The following LMO4 variants were observed in gnomAD, a reference collection of about 807,000 sequenced individuals.
LMO4 encodes the protein LIM domain transcription factor LMO4.
A neutral mutation model predicts 18.5 loss-of-function variants in LMO4; 3 were observed. The observed-to-expected ratio is 0.16, with a 90% CI of 0.07 to 0.42. The LOEUF is 0.42. Ranked by LOEUF, LMO4 falls within the 10% of genes least tolerant of loss-of-function variation. The probability of loss-of-function intolerance (pLI) is 0.99; values close to 1 mark genes in which losing one functional copy is unlikely to be tolerated. For missense variants in LMO4, 121 were observed against 219.9 expected (o/e 0.55, Z 2.84); for synonymous variants, 100 against 88.1 (o/e 1.14, Z -0.76).
At position 87,347,825 on chromosome 1, in the gene LMO4, G is replaced by A. The variant is rs1161629417; in HGVS notation, c.*3029G>A. On this transcript the variant is annotated 3_prime_UTR_variant, in exon 5 of 5. Coordinates refer to ENST00000370544, the MANE Select transcript of LMO4 (RefSeq NM_006769.4). ...CACATCCCGCAAGGCAGGGGAGCCT[G>A]AAGCTTTTCCAAACCAAATCGTTTG... 5 of 152,298 alleles carry A rather than the reference G, an allele frequency of 3.3e-5. No individual in the cohort carries two copies. The highest frequency in any genetic ancestry group is 3.4e-3 in the Middle Eastern group (1 of 294). 9.4% of individuals were successfully genotyped at this position (152,298 alleles called of 1,614,324 possible).
intron 2 of LMO4, among the ~76,000 whole-genome samples, chr1:87,336,631 A>C (rs1031185888): frequency 6.6e-6 from 1 of 152,186 alleles, no homozygotes; most frequent in African/African-American, 2.4e-5. Flanking sequence ...ATTTCTTCCC[A>C]TCTTTTCCGT....
intron 1 of LMO4, among the ~76,000 whole-genome samples, chr1:87,330,268 CCTCA>C (rs1166882647): frequency 2.0e-5 from 3 of 152,004 alleles, no homozygotes; most frequent in African/African-American, 4.8e-5. Flanking sequence ...GAATCTCCTC[CCTCA>C]CTCTCCTTTT....
chr1:87,331,059 GCCCGCCCCCCCCC>G (rs1650126912), intron 1 of LMO4, among the ~76,000 whole-genome samples: 1 of 1,724 alleles, frequency 5.8e-4, no homozygotes, highest in Non-Finnish European at 2.1e-3. Context: ...CTGTAACGCC[GCCCGCCCCCCCCC>G]CCCCCCCGCC....
rs1570273115 is a variant in LMO4 at position 87,348,813 on chromosome 1, T to G, written c.*4017T>G. On this transcript the variant is annotated 3_prime_UTR_variant, in exon 5 of 5. Coordinates refer to ENST00000370544, the MANE Select transcript of LMO4 (RefSeq NM_006769.4). ...GATTCTGCTGAGAATGGACGGCAAC[T>G]CGGAGGCCTCAAGCCAATAATGTAC... is the stretch of plus-strand genomic sequence containing the variant. The G allele has an allele frequency of 2.0e-6, 1 of 491,298 alleles. No individual in the cohort carries two copies. Among genetic ancestry groups the G allele is most frequent in the African/African-American group, 1.9e-5 (1 of 51,588 alleles). 30.4% of individuals were successfully genotyped at this position (491,298 alleles called of 1,614,324 possible). A position where few individuals can be genotyped will look rare whatever the true frequency, so the allele number is the denominator to read the frequency against.
chr1:87,331,956 CTT>C, intron 1 of LMO4, 55 bp from the exon 2 acceptor site: 1 of 1,405,576 alleles, frequency 7.1e-7, no homozygotes, highest in Non-Finnish European at 9.9e-7. Context: ...CGATTACTAA[CTT>C]TTGCATCGCC....
chr1:87,337,832 A>G (rs557774275), intron 2 of LMO4, among the ~76,000 whole-genome samples: 1 of 152,304 alleles, frequency 6.6e-6, no homozygotes, highest in Non-Finnish European at 1.5e-5. Flanking sequence ...TGAAGTGTCC[A>G]GCATTAGGAG....
Position 87,332,005 on chromosome 1 carries a change from C to A in LMO4, c.-3-8C>A. On this transcript the variant is annotated splice_polypyrimidine_tract_variant and splice_region_variant and intron_variant, in intron 1 of 4. Coordinates refer to ENST00000370544, the MANE Select transcript of LMO4 (RefSeq NM_006769.4). ...TTTCTCTCCCTGTCCCCTTCCCGCC[C>A]TCTGCAGACCATGGTGAATCCGGGC... 1 of 1,608,486 alleles carries A rather than the reference C, an allele frequency of 6.2e-7. No homozygotes were observed. The highest frequency in any genetic ancestry group is 8.5e-7 in the Non-Finnish European group (1 of 1,177,466).
At chr1:87,332,343 C>A in intron 2 of LMO4, 92 bp downstream of exon 2, 1 of 938,534 alleles carries the variant, frequency 1.1e-6, no homozygotes, top group South Asian at 1.6e-5. Context: ...TAGGCGTCTA[C>A]GGGGAGTATG....
In LMO4 at chr1:87,345,497, A is replaced by G. The variant is rs1423069383; in HGVS notation, c.*701A>G. 1 of 152,198 alleles carries G rather than the reference A, an allele frequency of 6.6e-6. No homozygotes were observed. The highest frequency in any genetic ancestry group is 6.5e-5 in the Admixed American group (1 of 15,276). The allele number at this position is 152,198 out of a possible 1,614,324, so 9.4% of individuals were successfully genotyped here. ...TTCTAATTTGCTGAATGAAGAAAAA[A>G]AAAAATCTTTTATTTGTGATATTTT... On this transcript the variant is annotated 3_prime_UTR_variant, in exon 5 of 5. Transcript: ENST00000370544.
Position 87,332,265 on chromosome 1 carries a change from G to C in LMO4, c.236+14G>C, listed in dbSNP as rs764018746. 2 of 1,595,024 alleles carry C rather than the reference G, an allele frequency of 1.3e-6. No individual in the cohort carries two copies. The highest frequency in any genetic ancestry group is 1.7e-6 in the Non-Finnish European group (2 of 1,163,372). ...TGACTACATTAGGTAAGACTTTGCT[G>C]TCTTTCCTGGAGATGGGGGGAAGAG... On this transcript the variant is annotated intron_variant, in intron 2 of 4. Transcript: ENST00000370544.
At chr1:87,329,305 T>A (rs1650060214) in intron 1 of LMO4, 61 bp downstream of exon 1, 1 of 152,382 alleles carries the variant, frequency 6.6e-6, no homozygotes, top group East Asian at 1.9e-4. Flanking sequence ...GGGGGTCGAT[T>A]CGGGCCAGGG....
chr1:87,339,299 G>GT (rs1386453752), intron 2 of LMO4, among the ~76,000 whole-genome samples: 2 of 151,828 alleles, frequency 1.3e-5, no homozygotes, highest in African/African-American at 2.4e-5. Flanking sequence ...TGCTAGAGGT[G>GT]TAAGTCAATA....
intron 2 of LMO4, among the ~76,000 whole-genome samples, chr1:87,339,167 AAG>A (rs902123421): frequency 1.3e-5 from 2 of 152,204 alleles, no homozygotes; most frequent in African/African-American, 4.8e-5. Flanking sequence ...TAAAGTACAA[AAG>A]AGTTCTTCAT....
intron 2 of LMO4, among the ~76,000 whole-genome samples, chr1:87,335,000 A>G (rs1312877207): frequency 7.0e-6 from 1 of 143,022 alleles, no homozygotes; most frequent in Admixed American, 7.0e-5. Context: ...CATTTAATTA[A>G]CAAAATTGGC....
At chr1:87,342,826 C>A (rs1008246359) in intron 4 of LMO4, among the ~76,000 whole-genome samples, 15 of 152,104 alleles carry the variant, frequency 9.9e-5, no homozygotes, top group Admixed American at 7.9e-4. Context: ...AAACATACTT[C>A]CTGGTGGAAC....
At chr1:87,330,237 A>T (rs964196881) in intron 1 of LMO4, among the ~76,000 whole-genome samples, 3 of 151,976 alleles carry the variant, frequency 2.0e-5, no homozygotes, top group Non-Finnish European at 4.4e-5. Flanking sequence ...CTCACTAAAG[A>T]TGGGGGCGGG....
chr1:87,330,782 G>T (rs1051370426), intron 1 of LMO4, among the ~76,000 whole-genome samples: 2 of 152,174 alleles, frequency 1.3e-5, no homozygotes, highest in African/African-American at 4.8e-5. Context: ...GACAATACAG[G>T]CTGCTTAATT....
At chr1:87,329,901 C>T (rs746445653) in intron 1 of LMO4, among the ~76,000 whole-genome samples, 1 of 152,114 alleles carries the variant, frequency 6.6e-6, no homozygotes, top group African/African-American at 2.4e-5. Context: ...CAGATTTTGC[C>T]TCTAGCTGCC....
rs955356417 is a variant in LMO4 at position 87,346,125 on chromosome 1, C to G, written c.*1329C>G. 6.6e-6 allele frequency: 1 copy of G among 152,100 alleles called. No individual in the cohort carries two copies. Among genetic ancestry groups the G allele is most frequent in the Non-Finnish European group, 1.5e-5 (1 of 68,024 alleles). 9.4% of individuals were successfully genotyped at this position (152,100 alleles called of 1,614,324 possible). A position where few individuals can be genotyped will look rare whatever the true frequency, so the allele number is the denominator to read the frequency against. ...GGTGAAGTAGCCATTTCCTGGTGAC[C>G]CTTAGGCTCGTGTGGTTGGCTGTAA... On this transcript the variant is annotated 3_prime_UTR_variant, in exon 5 of 5. Coordinates refer to ENST00000370544, the MANE Select transcript of LMO4 (RefSeq NM_006769.4).
Sources: allele counts gnomAD v4.1 joint callset (sites outside exome capture counted in the v4.1 genomes callset), GRCh38; gene constraint gnomAD v4.1.1; transcripts MANE v1.5; gene names NCBI Gene and HGNC (gene_info 2026-07-23, HGNC 2026-07-21).